The following TCF4 variants were observed in gnomAD, a reference collection of about 807,000 sequenced individuals.
TCF4 encodes transcription factor 4, also known as SL3-3 enhancer factor 2.
A neutral mutation model predicts 82.1 loss-of-function variants in TCF4; 3 were observed. The observed-to-expected ratio is 0.04, with a 90% CI of 0.02 to 0.09. The LOEUF is 0.09. Ranked by LOEUF, TCF4 falls within the 10% of genes least tolerant of loss-of-function variation. The pLI, the probability that TCF4 is intolerant of heterozygous loss-of-function variation, is 1.00. For synonymous variants in TCF4, 276 were observed against 309.6 expected, an observed-to-expected ratio of 0.89 and a Z score of 1.14; for missense variants, 518 against 852.7, an observed-to-expected ratio of 0.61 and a Z score of 4.89.
At chr18:55,426,099 T>TTATA (rs35262105) in intron 5 of TCF4, among the ~76,000 whole-genome samples, 7,944 of 138,988 alleles carry the variant, frequency 0.057, 284 homozygotes, top group South Asian at 0.15. Flanking sequence ...ACAAAAAATT[T>TTATA]TATATATATA....
chr18:55,300,893 C>T (rs560557988), intron 8 of TCF4, among the ~76,000 whole-genome samples: 1 of 152,244 alleles, frequency 6.6e-6, no homozygotes, highest in East Asian at 1.9e-4. Flanking sequence ...GCCAAGAGCT[C>T]GTCCCAGAGA....
At chr18:55,632,021 TTTGTTG>T (rs529883185) in intron 1 of TCF4, among the ~76,000 whole-genome samples, 1 of 152,076 alleles carries the variant, frequency 6.6e-6, no homozygotes, top group Non-Finnish European at 1.5e-5. Context: ...AACAGTTCTT[TTTGTTG>T]TTGTTGTTGT....
intron 3 of TCF4, among the ~76,000 whole-genome samples, chr18:55,522,788 G>A (rs2096943414): frequency 1.3e-5 from 2 of 152,100 alleles, no homozygotes; most frequent in Admixed American, 6.6e-5. Flanking sequence ...TTTTGTGGGA[G>A]TGTTTAACAC....
Position 55,294,016 on chromosome 18 carries a change from T to C in TCF4, c.550-14360A>G, listed in dbSNP as rs1194064173. 2.9e-5 allele frequency among the ~76,000 whole-genome samples: 4 copies of C among 138,112 alleles called. 1 individual carries two copies. The highest frequency in any genetic ancestry group is 6.1e-5 in the Non-Finnish European group (4 of 65,308). 90.6% of individuals were successfully genotyped at this position (138,112 alleles called of 152,430 possible). On this transcript the variant is annotated intron_variant, in intron 8 of 19. Coordinates refer to ENST00000354452, the MANE Select transcript of TCF4 (RefSeq NM_001083962.2). ...GGTTCACGCCTGTAATCCCAGGACTTTGGGAGGCCGAGGTGGGCGGATCAC... is the reference window on the plus strand; with the variant it reads ...GGTTCACGCCTGTAATCCCAGGACTCTGGGAGGCCGAGGTGGGCGGATCAC...
chr18:55,457,336 T>C (rs2095781674), intron 5 of TCF4, among the ~76,000 whole-genome samples: 1 of 152,224 alleles, frequency 6.6e-6, no homozygotes, highest in Admixed American at 6.5e-5. Flanking sequence ...TCTAGCATGA[T>C]ACATACATTG....
intron 16 of TCF4, among the ~76,000 whole-genome samples, chr18:55,234,073 C>T (rs973802201): frequency 2.0e-5 from 3 of 152,050 alleles, no homozygotes; most frequent in Non-Finnish European, 4.4e-5. Flanking sequence ...TCGTAATCAC[C>T]GGTATGAGGC....
intron 8 of TCF4, among the ~76,000 whole-genome samples, chr18:55,318,821 G>T (rs2074790711): frequency 6.6e-6 from 1 of 152,074 alleles, no homozygotes; most frequent in Admixed American, 6.6e-5. Flanking sequence ...GAGGACAACT[G>T]ATTTTACAAA....
intron 3 of TCF4, among the ~76,000 whole-genome samples, chr18:55,574,116 A>G (rs1351570974): frequency 6.6e-6 from 1 of 152,204 alleles, no homozygotes; most frequent in Non-Finnish European, 1.5e-5. Context: ...CTCTGACACT[A>G]AATTTCAGAG....
chr18:55,299,263 T>A (rs936174873), intron 8 of TCF4, among the ~76,000 whole-genome samples: 1 of 151,930 alleles, frequency 6.6e-6, no homozygotes, highest in Non-Finnish European at 1.5e-5. Context: ...ATACAAAAAA[T>A]TAGCCAGGTG....
chr18:55,626,707 C>T (rs1385878998), intron 2 of TCF4, among the ~76,000 whole-genome samples: 1 of 152,138 alleles, frequency 6.6e-6, no homozygotes, highest in African/African-American at 2.4e-5. Context: ...AAAATTTCAA[C>T]AAGATATCTC....
intron 3 of TCF4, among the ~76,000 whole-genome samples, chr18:55,512,689 G>T (rs1304713746): frequency 6.6e-6 from 1 of 152,056 alleles, no homozygotes; most frequent in African/African-American, 2.4e-5. Context: ...GATGAGCCAA[G>T]AAGGCAGAAT....
chr18:55,458,119 T>C (rs1203552103), intron 5 of TCF4, among the ~76,000 whole-genome samples: 3 of 152,144 alleles, frequency 2.0e-5, no homozygotes, highest in Non-Finnish European at 4.4e-5. Context: ...CCTATAAAAT[T>C]AGTGTCACTT....
At chr18:55,423,901 C>T (rs1326574172) in intron 5 of TCF4, among the ~76,000 whole-genome samples, 3 of 152,076 alleles carry the variant, frequency 2.0e-5, no homozygotes, top group African/African-American at 7.2e-5. Context: ...GGGGTGGTGA[C>T]TGGGCGGAAG....
intron 2 of TCF4, among the ~76,000 whole-genome samples, chr18:55,621,439 TATATATATA>T (rs1263036829): frequency 1.4e-4 from 16 of 113,030 alleles, no homozygotes; most frequent in African/African-American, 5.4e-4. Flanking sequence ...TATATAAAAA[TATATATATA>T]ATATATATAA....
At chr18:55,537,896 T>C (rs2097131203) in intron 3 of TCF4, among the ~76,000 whole-genome samples, 1 of 152,024 alleles carries the variant, frequency 6.6e-6, no homozygotes, top group South Asian at 2.1e-4. Flanking sequence ...GAAGGATAAA[T>C]AGATTTTTAA....
chr18:55,592,414 T>G (rs2097686552), upstream of TCF4, among the ~76,000 whole-genome samples: 2 of 152,144 alleles, frequency 1.3e-5, no homozygotes, highest in Admixed American at 6.5e-5. Flanking sequence ...AATTCTCACA[T>G]AGTGGAGAAA....
rs191256070 is a variant in TCF4, at chr18:55,621,648, C to T, written c.286+9650G>A. On this transcript the variant is annotated intron_variant, in intron 2 of 20. Transcript: ENST00000398339. The stretch of plus-strand genomic sequence containing the variant: ...TATAATATATATATTATATAATATA[C>T]ATTATATAATATACATTATATAATA... Among the ~76,000 whole-genome samples the T allele has an allele frequency of 8.2e-3, 80 of 9,766 alleles. 5 individuals carry two copies. Among genetic ancestry groups the T allele is most frequent in the Non-Finnish European group, 8.9e-3 (61 of 6,854 alleles). 6.4% of individuals were successfully genotyped at this position (9,766 alleles called of 152,430 possible).
At chr18:55,311,389 G>A (rs1451878142) in intron 8 of TCF4, among the ~76,000 whole-genome samples, 1 of 152,152 alleles carries the variant, frequency 6.6e-6, no homozygotes, top group Non-Finnish European at 1.5e-5. Flanking sequence ...CTGGCCTCCA[G>A]CCCTAGATGC....
At chr18:55,567,085 A>G (rs1278775879) in intron 3 of TCF4, among the ~76,000 whole-genome samples, 1 of 152,168 alleles carries the variant, frequency 6.6e-6, no homozygotes, top group Non-Finnish European at 1.5e-5. Context: ...GAAAAATAAA[A>G]TGCCACTCTG....
Sources: gnomAD v4.1 joint callset for allele counts (sites outside exome capture counted in the v4.1 genomes callset) on GRCh38, gnomAD v4.1.1 for gene constraint, MANE v1.5 for transcripts, NCBI Gene and HGNC (gene_info 2026-07-23, HGNC 2026-07-21) for gene names.